GPR3: variants seen among roughly 807,000 people sequenced by gnomAD.
GPR3 encodes G protein-coupled receptor 3.
In GPR3, 16 loss-of-function variants were observed where a neutral mutation model predicts 18.2. The observed-to-expected ratio is 0.88, with a 90% CI of 0.60 to 1.34. GPR3 has a LOEUF of 1.34. Ranked by LOEUF, GPR3 falls within the 40% of genes most tolerant of loss-of-function variation. The pLI, the probability that GPR3 is intolerant of heterozygous loss-of-function variation, is 0.00. For synonymous variants in GPR3, 183 were observed against 188.9 expected, an observed-to-expected ratio of 0.97 and a Z score of 0.26; for missense variants, 326 against 427.6, an observed-to-expected ratio of 0.76 and a Z score of 2.10.
chr1:27,394,012 C>A lies in GPR3; in HGVS notation c.214C>A (p.Arg72Ser). 6.2e-7 allele frequency: 1 copy of A among 1,611,732 alleles called. No homozygotes were observed. Among genetic ancestry groups the A allele is most frequent in the Non-Finnish European group, 8.5e-7 (1 of 1,179,814 alleles). ...VAIIVGTPAF[R>S]APMFLLVGSL... ...CATCATCGTGGGCACTCCTGCCTTC[C>A]GTGCCCCCATGTTCCTGCTGGTGGG... is the stretch of plus-strand genomic sequence containing the variant. Residue 72 changes from arginine (R) to serine (S), a missense_variant, in exon 2 of 2, where the codon CGT (arginine) becomes AGT (serine). Arg to Ser is a moderately radical substitution (Grantham distance 110, BLOSUM62 -1). Coordinates refer to ENST00000374024, the MANE Select transcript of GPR3 (RefSeq NM_005281.4).
At chr1:27,392,928 C>T (rs888965006) in intron 1 of GPR3, among the ~76,000 whole-genome samples, 191 bp downstream of exon 1, 31 of 152,114 alleles carry the variant, frequency 2.0e-4, no homozygotes, top group African/African-American at 6.7e-4. Flanking sequence ...GTTGGATGAC[C>T]CGGCGAAGGG....
rs1468105433 is a variant in GPR3 at position 27,394,321 on chromosome 1, T to TGG, written c.524_525dup (p.Asn176GlyfsTer7). 1.2e-6 allele frequency: 2 copies of TGG among 1,613,514 alleles called. No individual in the cohort carries two copies. Among genetic ancestry groups the TGG allele is most frequent in the Non-Finnish European group, 1.7e-6 (2 of 1,180,044 alleles). On this transcript the variant is annotated frameshift_variant, in exon 2 of 2. Coordinates refer to ENST00000374024, the MANE Select transcript of GPR3 (RefSeq NM_005281.4). LOFTEE classifies it high-confidence loss of function. ...CCTGGGGCTGCTGCCTGTGCTGGCC[T>TGG]GGAACTGCCTGGATGGCCTGACCAC...
rs754925323 is a variant in GPR3, at chr1:27,393,969, G to A, written c.171G>A (p.Glu57=). Residue 57 remains glutamate (E), a synonymous_variant, in exon 2 of 2, where the codon GAG becomes GAA. Transcript: ENST00000374024. Reference sequence around the variant, plus strand: ...TCTCAGGCACCCTGGTGTCCTGCGAGAATGCGCTAGTGGTGGCCATCATCG... The same window carrying A: ...TCTCAGGCACCCTGGTGTCCTGCGAAAATGCGCTAGTGGTGGCCATCATCG... ...LCISGTLVSC[E]NALVVAIIVG... 10 of 1,611,486 alleles carry A rather than the reference G, an allele frequency of 6.2e-6. No homozygotes were observed. In the East Asian group the frequency reaches 2.2e-4, roughly 36 times the overall value.
intron 1 of GPR3, 73 bp from the exon 2 acceptor site, chr1:27,393,721 C>A: frequency 1.5e-6 from 2 of 1,291,398 alleles, no homozygotes; most frequent in Non-Finnish European, 2.1e-6. Context: ...TCCTGAGAAG[C>A]ACCTCACCCC....
In GPR3 at chr1:27,394,105, A is replaced by T. The variant is rs752467891; in HGVS notation, c.307A>T (p.Ile103Phe). The change falls in exon 2 of 2, where the codon ATC becomes TTC. Residue 103 changes from isoleucine (I) to phenylalanine (F), a missense_variant. Physicochemically the swap from Ile to Phe is conservative, Grantham distance 21 (BLOSUM62 0). Transcript: ENST00000374024. Reference sequence around the variant, plus strand: ...CCTGCACTTTGCTGCTGTCTTCTGCATCGGCTCAGCGGAGATGAGCCTGGT... The same window carrying T: ...CCTGCACTTTGCTGCTGTCTTCTGCTTCGGCTCAGCGGAGATGAGCCTGGT... The part of the protein sequence containing the change: ...LVLHFAAVFC[I>F]GSAEMSLVLV... 1 of 1,611,914 alleles carries T rather than the reference A, an allele frequency of 6.2e-7. No individual in the cohort carries two copies. Among genetic ancestry groups the T allele is most frequent in the Admixed American group, 1.7e-5 (1 of 60,034 alleles).
At position 27,394,963 on chromosome 1, in the gene GPR3, G is replaced by T. The variant is rs2016529950; in HGVS notation, c.*172G>T. 1.5e-6 allele frequency: 1 copy of T among 662,510 alleles called. No individual in the cohort carries two copies. Among genetic ancestry groups the T allele is most frequent in the South Asian group, 2.0e-5 (1 of 50,148 alleles). The allele number at this position is 662,510 out of a possible 1,614,324, so 41.0% of individuals were successfully genotyped here. Reference sequence around the variant, plus strand: ...TTCAGATCCCTATGGGGGCCCAGCTGGCTCCACGGTTCCAGAATGTTCAGG... The same window carrying T: ...TTCAGATCCCTATGGGGGCCCAGCTTGCTCCACGGTTCCAGAATGTTCAGG... On this transcript the variant is annotated 3_prime_UTR_variant, in exon 2 of 2. Coordinates refer to ENST00000374024, the MANE Select transcript of GPR3 (RefSeq NM_005281.4).
rs963712407 is a variant in GPR3 at position 27,395,706 on chromosome 1, G to C, written c.*915G>C. On this transcript the variant is annotated 3_prime_UTR_variant, in exon 2 of 2. Coordinates refer to ENST00000374024, the MANE Select transcript of GPR3 (RefSeq NM_005281.4). ...CTCACCCTGCGGTGCCCTAAAGGAG[G>C]GGGGGCACGAGCCAACACCCCACCC... 1 of 167,162 alleles carries C rather than the reference G, an allele frequency of 6.0e-6. No homozygotes were observed. The highest frequency in any genetic ancestry group is 2.4e-5 in the African/African-American group (1 of 41,476). 10.4% of individuals were successfully genotyped at this position (167,162 alleles called of 1,614,324 possible). A position where few individuals can be genotyped will look rare whatever the true frequency, so the allele number is the denominator to read the frequency against.
chr1:27,394,041 C>A lies in GPR3; in HGVS notation c.243C>A (p.Ser81Arg). The A allele has an allele frequency of 6.2e-7, 1 of 1,611,220 alleles. No homozygotes were observed. Among genetic ancestry groups the A allele is most frequent in the Non-Finnish European group, 8.5e-7 (1 of 1,179,978 alleles). Residue 81 changes from serine (S) to arginine (R), a missense_variant, in exon 2 of 2, where the codon AGC becomes AGA. Ser to Arg is a moderately radical substitution (Grantham distance 110, BLOSUM62 -1). Transcript: ENST00000374024. ...CCCCCATGTTCCTGCTGGTGGGCAGCCTGGCCGTGGCAGACCTGCTGGCAG... is the reference window on the plus strand; with the variant it reads ...CCCCCATGTTCCTGCTGGTGGGCAGACTGGCCGTGGCAGACCTGCTGGCAG... ...FRAPMFLLVG[S>R]LAVADLLAGL...
At position 27,394,164 on chromosome 1, in the gene GPR3, C is replaced by G; in HGVS notation, c.366C>G (p.Ala122=). Residue 122 remains alanine (A), a synonymous_variant, in exon 2 of 2, where the codon GCC becomes GCG. Transcript: ENST00000374024. ...LVGVLAMAFT[A]SIGSLLAITV... Reference sequence around the variant, plus strand: ...GCGTGCTGGCAATGGCCTTTACCGCCAGCATCGGCAGTCTACTGGCCATCA... The same window carrying G: ...GCGTGCTGGCAATGGCCTTTACCGCGAGCATCGGCAGTCTACTGGCCATCA... 1 of 1,613,826 alleles carries G rather than the reference C, an allele frequency of 6.2e-7. No homozygotes were observed. The highest frequency in any genetic ancestry group is 8.5e-7 in the Non-Finnish European group (1 of 1,180,024).
Position 27,393,880 on chromosome 1 carries a change from G to C in GPR3, c.82G>C (p.Glu28Gln). 1 of 1,606,022 alleles carries C rather than the reference G, an allele frequency of 6.2e-7. No individual in the cohort carries two copies. The highest frequency in any genetic ancestry group is 8.5e-7 in the Non-Finnish European group (1 of 1,175,476). Residue 28 changes from glutamate (E) to glutamine (Q), a missense_variant, in exon 2 of 2, where the codon GAG becomes CAG. Coordinates refer to ENST00000374024, the MANE Select transcript of GPR3 (RefSeq NM_005281.4). ...GAATGTAAGCAGCGTGGGCCCAGCA[G>C]AGGGGCCCACAGGTCCAGCCGCACC... is the stretch of plus-strand genomic sequence containing the variant. ...NVNVSSVGPA[E>Q]GPTGPAAPLP...
At position 27,394,635 on chromosome 1, in the gene GPR3, C is replaced by T; in HGVS notation, c.837C>T (p.Thr279=). Residue 279 remains threonine, a synonymous_variant, in exon 2 of 2, where the codon ACC becomes ACT. Coordinates refer to ENST00000374024, the MANE Select transcript of GPR3 (RefSeq NM_005281.4). ...ATGCCCACTCTCCACCTCTCTACAC[C>T]TATCTTACCTTGCTCCCTGCCACCT... ...LGDAHSPPLY[T]YLTLLPATYN... The T allele has an allele frequency of 1.2e-6, 2 of 1,614,212 alleles. No homozygotes were observed. The highest frequency in any genetic ancestry group is 1.1e-5 in the South Asian group (1 of 91,088).
In GPR3 at chr1:27,395,123, T is replaced by C. The variant is rs2474285; in HGVS notation, c.*332T>C. On this transcript the variant is annotated 3_prime_UTR_variant, in exon 2 of 2. Transcript: ENST00000374024. ...ACTTGACCTTGACCATGTCACTTTA[T>C]GTTTGAATTTCTGAGCTAAAGAGTC... is the stretch of plus-strand genomic sequence containing the variant. 332,561 of 334,428 alleles carry C rather than the reference T, an allele frequency of 0.99. 165,375 individuals are homozygous for C. The highest frequency in any genetic ancestry group is 1 in the Middle Eastern group (1,160 of 1,160). The allele number at this position is 334,428 out of a possible 1,614,324, so 20.7% of individuals were successfully genotyped here.
rs758142824 is a variant in GPR3 at position 27,394,375 on chromosome 1, A to T, written c.577A>T (p.Asn193Tyr). Reference sequence around the variant, plus strand: ...TGGCGTGGTTTATCCACTCTCCAAGAACCATCTGGTAGTTCTGGCCATTGC... The same window carrying T: ...TGGCGTGGTTTATCCACTCTCCAAGTACCATCTGGTAGTTCTGGCCATTGC... ...TCGVVYPLSK[N>Y]HLVVLAIAFF... Residue 193 changes from asparagine (N) to tyrosine (Y), a missense_variant, in exon 2 of 2, where the codon AAC (asparagine) becomes TAC (tyrosine). Coordinates refer to ENST00000374024, the MANE Select transcript of GPR3 (RefSeq NM_005281.4). The T allele has an allele frequency of 6.2e-7, 1 of 1,613,990 alleles. No homozygotes were observed. The highest frequency in any genetic ancestry group is 1.1e-5 in the South Asian group (1 of 91,088).
At chr1:27,393,645 G>A (rs2148085223) in intron 1 of GPR3, 149 bp from the exon 2 acceptor site, 1 of 701,486 alleles carries the variant, frequency 1.4e-6, no homozygotes. Context: ...GAGCCCCAGG[G>A]CATGAATGTG....
chr1:27,394,953 G>C lies in GPR3; in HGVS notation c.*162G>C. The C allele has an allele frequency of 1.4e-6, 1 of 700,930 alleles. No homozygotes were observed. The highest frequency in any genetic ancestry group is 2.7e-5 in the East Asian group (1 of 36,888). 43.4% of individuals were successfully genotyped at this position (700,930 alleles called of 1,614,324 possible). ...CAAGGTTCTGTTCAGATCCCTATGGGGGCCCAGCTGGCTCCACGGTTCCAG... is the reference window on the plus strand; with the variant it reads ...CAAGGTTCTGTTCAGATCCCTATGGCGGCCCAGCTGGCTCCACGGTTCCAG... On this transcript the variant is annotated 3_prime_UTR_variant, in exon 2 of 2. Coordinates refer to ENST00000374024, the MANE Select transcript of GPR3 (RefSeq NM_005281.4).
At chr1:27,393,422 T>C (rs1472805810) in intron 1 of GPR3, among the ~76,000 whole-genome samples, 1 of 152,128 alleles carries the variant, frequency 6.6e-6, no homozygotes, top group African/African-American at 2.4e-5. Context: ...GTCTCCCTGA[T>C]GGGGTAGATG....
At position 27,395,745 on chromosome 1, in the gene GPR3, G is replaced by C. The variant is rs1343805194; in HGVS notation, c.*954G>C. 1.8e-5 allele frequency: 3 copies of C among 167,110 alleles called. No individual in the cohort carries two copies. The highest frequency in any genetic ancestry group is 4.4e-5 in the Non-Finnish European group (3 of 68,154). 10.4% of individuals were successfully genotyped at this position (167,110 alleles called of 1,614,324 possible). A position where few individuals can be genotyped will look rare whatever the true frequency, so the allele number is the denominator to read the frequency against. ...AACACCCCACCCCTCTGCCAACCGG[G>C]GTATGGCCCCCAGTGCATTCCCTGT... On this transcript the variant is annotated 3_prime_UTR_variant, in exon 2 of 2. Transcript: ENST00000374024.
At position 27,394,269 on chromosome 1, in the gene GPR3, G is replaced by A; in HGVS notation, c.471G>A (p.Leu157=). The stretch of plus-strand genomic sequence containing the variant: ...CAGTGACACGGACCTATGTGATGCT[G>A]GCCTTAGTGTGGGGAGGTGCCCTGG... The part of the protein sequence containing the change: ...ETTVTRTYVM[L]ALVWGGALGL... The change falls in exon 2 of 2, where the codon CTG becomes CTA. Residue 157 remains leucine (L), a synonymous_variant. Coordinates refer to ENST00000374024, the MANE Select transcript of GPR3 (RefSeq NM_005281.4). The A allele has an allele frequency of 6.2e-7, 1 of 1,613,182 alleles. No individual in the cohort carries two copies. Among genetic ancestry groups the A allele is most frequent in the South Asian group, 1.1e-5 (1 of 91,090 alleles).
Position 27,394,204 on chromosome 1 carries a change from C to G in GPR3, c.406C>G (p.Leu136Val). 1 of 1,613,958 alleles carries G rather than the reference C, an allele frequency of 6.2e-7. No homozygotes were observed. Among genetic ancestry groups the G allele is most frequent in the Non-Finnish European group, 8.5e-7 (1 of 1,180,038 alleles). The stretch of plus-strand genomic sequence containing the variant: ...ACTGGCCATCACTGTCGACCGCTAC[C>G]TTTCTCTGTACAATGCCCTCACCTA... ...SLLAITVDRY[L>V]SLYNALTYYS... Residue 136 changes from leucine (L) to valine (V), a missense_variant, in exon 2 of 2, where the codon CTT becomes GTT. Physicochemically the swap from Leu to Val is conservative, Grantham distance 32. Coordinates refer to ENST00000374024, the MANE Select transcript of GPR3 (RefSeq NM_005281.4).
Sources: gnomAD v4.1 joint callset for allele counts (sites outside exome capture counted in the v4.1 genomes callset) on GRCh38, gnomAD v4.1.1 for gene constraint, MANE v1.5 for transcripts, NCBI Gene and HGNC (gene_info 2026-07-23, HGNC 2026-07-21) for gene names.